QSER1: variants seen among roughly 807,000 people sequenced by gnomAD.
QSER1 encodes the protein glutamine and serine-rich protein 1.
A neutral mutation model predicts 158.5 loss-of-function variants in QSER1; 49 were observed. That is an observed-to-expected ratio of 0.31 (90% CI 0.25 to 0.39). The LOEUF is 0.39. Ranked by LOEUF, QSER1 falls within the 10% of genes least tolerant of loss-of-function variation. QSER1 has a pLI of 1.00. For synonymous variants in QSER1, 650 were observed against 715.5 expected, an observed-to-expected ratio of 0.91 and a Z score of 1.46; for missense variants, 1,754 against 2,010.3, an observed-to-expected ratio of 0.87 and a Z score of 2.44.
chr11:32,955,892 C>T, intron 6 of QSER1, 96 bp from the exon 7 acceptor site: 1 of 1,163,126 alleles, frequency 8.6e-7, no homozygotes, highest in Non-Finnish European at 1.2e-6. Context: ...TTTTAGAAAA[C>T]TTGAAGGTTG....
intron 1 of QSER1, among the ~76,000 whole-genome samples, chr11:32,914,413 G>A (rs1272228709): frequency 1.3e-5 from 2 of 152,130 alleles, no homozygotes; most frequent in Non-Finnish European, 2.9e-5. Context: ...TATTTTCAAA[G>A]CTTAAAGAGA....
In QSER1 at chr11:32,980,231, C is replaced by G. The variant is rs994400633; in HGVS notation, c.*3757C>G. 6.6e-6 allele frequency: 1 copy of G among 152,584 alleles called. No individual in the cohort carries two copies. The highest frequency in any genetic ancestry group is 2.4e-5 in the African/African-American group (1 of 41,432). The allele number at this position is 152,584 out of a possible 1,614,324, so 9.5% of individuals were successfully genotyped here. On this transcript the variant is annotated 3_prime_UTR_variant, in exon 13 of 13. Coordinates refer to ENST00000650167, the MANE Select transcript of QSER1 (RefSeq NM_001076786.3). Reference sequence around the variant, plus strand: ...TTTGTACATTTGTTTGTTACTAACTCAGATCATTAAAATGAAAACAATTTT... The same window carrying G: ...TTTGTACATTTGTTTGTTACTAACTGAGATCATTAAAATGAAAACAATTTT...
intron 1 of QSER1, among the ~76,000 whole-genome samples, chr11:32,902,153 G>A (rs1156510116): frequency 4.6e-5 from 7 of 152,134 alleles, no homozygotes; most frequent in Admixed American, 3.3e-4. Flanking sequence ...TGAAGGAGTC[G>A]GGCAGGCAAA....
Position 32,976,453 on chromosome 11 carries a change from T to C in QSER1, c.5574T>C (p.His1858=), listed in dbSNP as rs759674156. 6.2e-7 allele frequency: 1 copy of C among 1,607,340 alleles called. No individual in the cohort carries two copies. The highest frequency in any genetic ancestry group is 1.7e-5 in the Admixed American group (1 of 58,382). The part of the protein sequence containing the change: ...LFEKFGELLN[H]VQQKCS The stretch of plus-strand genomic sequence containing the variant: ...AAAAATTTGGAGAACTTCTAAATCA[T>C]GTACAGCAGAAATGTTCCTGACTTT... The change falls in exon 13 of 13, where the codon CAT becomes CAC. Residue 1858 remains histidine, a synonymous_variant. Transcript: ENST00000650167.
At chr11:32,910,825 C>G (rs1590714760) in intron 1 of QSER1, among the ~76,000 whole-genome samples, 1 of 152,292 alleles carries the variant, frequency 6.6e-6, no homozygotes, top group Non-Finnish European at 1.5e-5. Flanking sequence ...TCTTCCTGTT[C>G]CATACCTTTT....
intron 3 of QSER1, among the ~76,000 whole-genome samples, chr11:32,929,941 CT>C (rs1384731372): frequency 6.6e-6 from 1 of 152,210 alleles, no homozygotes; most frequent in East Asian, 1.9e-4. Context: ...TCTGTCCTTT[CT>C]AACTAGCCTC....
rs1342028670 is a variant in QSER1, at chr11:32,953,855, A to G, written c.4178-2A>G. ...ATTTGCATTTGCTTGGTTTTGTTTC[A>G]GAAGCCCTACAGGTGGCAACTACTA... is the stretch of plus-strand genomic sequence containing the variant. On this transcript the variant is annotated splice_acceptor_variant, in intron 4 of 12. Transcript: ENST00000650167. LOFTEE classifies it high-confidence loss of function. The G allele has an allele frequency of 1.9e-6, 3 of 1,596,730 alleles. No individual in the cohort carries two copies. The highest frequency in any genetic ancestry group is 2.6e-6 in the Non-Finnish European group (3 of 1,170,908).
At chr11:32,939,917 C>T (rs1175139445) in intron 4 of QSER1, among the ~76,000 whole-genome samples, 2 of 151,288 alleles carry the variant, frequency 1.3e-5, no homozygotes, top group African/African-American at 4.9e-5. Flanking sequence ...CCCAGGGTCC[C>T]TTTTCCTAGT....
intron 6 of QSER1, 121 bp from the exon 7 acceptor site, chr11:32,955,867 C>A: frequency 1.2e-6 from 1 of 824,888 alleles, no homozygotes; most frequent in Non-Finnish European, 1.9e-6. Context: ...TAAAATTAGC[C>A]TGGCCAGAGC....
chr11:32,935,989 A>T (rs1014469126), intron 4 of QSER1, among the ~76,000 whole-genome samples: 27 of 152,174 alleles, frequency 1.8e-4, no homozygotes, highest in African/African-American at 6.3e-4. Context: ...TATATACCCA[A>T]ATCTTTGGGT....
intron 1 of QSER1, among the ~76,000 whole-genome samples, chr11:32,901,168 TTATGTA>T (rs1851620459): frequency 1.3e-5 from 2 of 152,196 alleles, no homozygotes; most frequent in Admixed American, 6.5e-5. Flanking sequence ...CTCAGTTTCC[TTATGTA>T]AAATGAGGAC....
Position 32,966,308 on chromosome 11 carries a change from C to T in QSER1, c.4978C>T (p.Pro1660Ser), listed in dbSNP as rs1338915451. ...CCCTTTCTCCCTCCCAGAATTTGAA[C>T]CTCCCGCTCCCTTTGTCACTCGCTT... ...TSSSDDEEFE[P>S]PAPFVTRFLN... Residue 1660 changes from proline (P) to serine (S), a missense_variant, in exon 9 of 13, where the codon CCT becomes TCT. This residue lies in a region of QSER1 where 1,707 missense variants were observed against 1,919.6 expected (regional missense o/e 0.89). Coordinates refer to ENST00000650167, the MANE Select transcript of QSER1 (RefSeq NM_001076786.3). 1.9e-6 allele frequency: 3 copies of T among 1,610,858 alleles called. No homozygotes were observed. Among genetic ancestry groups the T allele is most frequent in the Non-Finnish European group, 2.5e-6 (3 of 1,179,096 alleles).
chr11:32,959,592 A>G (rs896084755), intron 8 of QSER1, among the ~76,000 whole-genome samples: 1 of 152,154 alleles, frequency 6.6e-6, no homozygotes, highest in Non-Finnish European at 1.5e-5. Context: ...ATTTTGGCAG[A>G]ACTTGAATGG....
chr11:32,947,093 C>A (rs2133572430), intron 4 of QSER1, among the ~76,000 whole-genome samples: 1 of 152,334 alleles, frequency 6.6e-6, no homozygotes, highest in South Asian at 2.1e-4. Flanking sequence ...TTGGCTCGCG[C>A]ACGGTGCGTG....
rs545345011 is a variant in QSER1, at chr11:32,906,003, TTTC to T, written c.209+12673_209+12675del. 1.4e-4 allele frequency among the ~76,000 whole-genome samples: 22 copies of T among 152,284 alleles called. No homozygotes were observed. The South Asian group carries it at 4.6e-3, about 32-fold the overall frequency. ...TATACTCCTCTAAAATTCATTATAA[TTTC>T]TTCCTTTACATTAGCCTTTGTTGTG... On this transcript the variant is annotated intron_variant, in intron 1 of 12. Coordinates refer to ENST00000650167, the MANE Select transcript of QSER1 (RefSeq NM_001076786.3).
At chr11:32,927,429 A>G (rs1472310753) in intron 2 of QSER1, among the ~76,000 whole-genome samples, 160 bp downstream of exon 2, 2 of 152,190 alleles carry the variant, frequency 1.3e-5, no homozygotes, top group Admixed American at 6.5e-5. Context: ...TATTTTTGAC[A>G]TGGAGTCTCG....
Sources: allele counts gnomAD v4.1 joint callset (sites outside exome capture counted in the v4.1 genomes callset), GRCh38; gene constraint gnomAD v4.1.1; regional missense constraint gnomAD v4.1.1; transcripts MANE v1.5; gene names NCBI Gene and HGNC (gene_info 2026-07-23, HGNC 2026-07-21).